Variants in ARMC9 observed in about 807,000 individuals in gnomAD.
The protein encoded by ARMC9 is armadillo repeat containing 9.
A neutral mutation model predicts 107.0 loss-of-function variants in ARMC9; 94 were observed. The observed-to-expected ratio is 0.88, with a 90% CI of 0.74 to 1.04. The LOEUF is 1.04. Ranked by LOEUF, ARMC9 falls within the 50% of genes least tolerant of loss-of-function variation. The pLI is 0.00. For missense variants in ARMC9, 942 were observed against 1,030.1 expected, an observed-to-expected ratio of 0.91 and a Z score of 1.17; for synonymous variants, 380 against 396.9, an observed-to-expected ratio of 0.96 and a Z score of 0.51.
chr2:231,253,964 G>C (rs924209294), intron 9 of ARMC9, among the ~76,000 whole-genome samples: 1 of 152,134 alleles, frequency 6.6e-6, no homozygotes, highest in African/African-American at 2.4e-5. Context: ...CAAAAAGGAG[G>C]TGAAGAAAAA....
intron 21 of ARMC9, among the ~76,000 whole-genome samples, chr2:231,352,760 TA>T (rs1300884209): frequency 7.7e-6 from 1 of 130,504 alleles, no homozygotes; most frequent in Admixed American, 7.0e-5. Flanking sequence ...TAGGTAGACA[TA>T]GATATAGATA....
rs1486098281 is a variant in ARMC9, at chr2:231,372,982, C to T, written c.*1447C>T. ...AGATGACCAGAAGCTCATCCAGGGC[C>T]GGGACCCTGGTTCATCTCGTGAATT... On this transcript the variant is annotated 3_prime_UTR_variant, in exon 25 of 25. Transcript: ENST00000611582. 6.6e-6 allele frequency: 1 copy of T among 152,146 alleles called. No homozygotes were observed. The highest frequency in any genetic ancestry group is 2.4e-5 in the African/African-American group (1 of 41,412). 9.4% of individuals were successfully genotyped at this position (152,146 alleles called of 1,614,324 possible). A position where few individuals can be genotyped will look rare whatever the true frequency, so the allele number is the denominator to read the frequency against.
At chr2:231,260,032 T>C (rs991950907) in intron 11 of ARMC9, among the ~76,000 whole-genome samples, 1 of 152,224 alleles carries the variant, frequency 6.6e-6, no homozygotes, top group Non-Finnish European at 1.5e-5. Flanking sequence ...ATTTGAAATA[T>C]ATGTTTATTA....
intron 3 of ARMC9, among the ~76,000 whole-genome samples, chr2:231,209,616 A>C (rs1201138040): frequency 6.6e-6 from 1 of 151,754 alleles, no homozygotes; most frequent in East Asian, 1.9e-4. Flanking sequence ...GCTTACTGCA[A>C]CCCCCGCCTC....
chr2:231,307,275 G>A (rs1217190857), intron 19 of ARMC9, among the ~76,000 whole-genome samples: 5 of 152,132 alleles, frequency 3.3e-5, no homozygotes, highest in Admixed American at 6.5e-5. Context: ...GGACTGTTTC[G>A]TTTGGATGAA....
Position 231,354,350 on chromosome 2 carries a change from C to T in ARMC9, c.1995-1448C>T, listed in dbSNP as rs797007904. Among the ~76,000 whole-genome samples the T allele has an allele frequency of 1.3e-3, 179 of 142,210 alleles. 1 individual carries two copies. The highest frequency in any genetic ancestry group is 4.5e-3 in the African/African-American group (172 of 38,524). 93.3% of individuals were successfully genotyped at this position (142,210 alleles called of 152,430 possible). On this transcript the variant is annotated intron_variant, in intron 21 of 24. Transcript: ENST00000611582. ...TCAGGCTGGTTACATGTCTCCTTAT[C>T]TTTGACTTTGGGTTGAGCCATGTGA...
intron 17 of ARMC9, among the ~76,000 whole-genome samples, chr2:231,286,297 G>A (rs1016354090): frequency 3.9e-5 from 6 of 152,116 alleles, no homozygotes; most frequent in Non-Finnish European, 8.8e-5. Flanking sequence ...TGTATTTTTA[G>A]TAGAGACGGG....
chr2:231,318,432 T>TG (rs1489888912), intron 19 of ARMC9, among the ~76,000 whole-genome samples: 1 of 152,216 alleles, frequency 6.6e-6, no homozygotes, highest in Admixed American at 6.5e-5. Flanking sequence ...CTGGGTTCCT[T>TG]GGGTTTTCTG....
At chr2:231,240,410 C>T (rs1405953753) in intron 9 of ARMC9, among the ~76,000 whole-genome samples, 1 of 152,156 alleles carries the variant, frequency 6.6e-6, no homozygotes, top group Non-Finnish European at 1.5e-5. Flanking sequence ...TAACTTTTTA[C>T]TTGGAATAAT....
chr2:231,285,661 G>A (rs973142949), intron 17 of ARMC9, among the ~76,000 whole-genome samples: 6 of 150,562 alleles, frequency 4.0e-5, no homozygotes, highest in African/African-American at 9.8e-5. Flanking sequence ...AAAAAAAGAC[G>A]TAAGTAGAAT....
intron 21 of ARMC9, among the ~76,000 whole-genome samples, chr2:231,345,764 A>G (rs911209648): frequency 5.9e-5 from 9 of 152,246 alleles, no homozygotes; most frequent in Non-Finnish European, 1.3e-4. Context: ...AGCAGGCTAA[A>G]AACCTCCATA....
At chr2:231,259,209 TC>T in intron 11 of ARMC9, 107 bp downstream of exon 11, 7 of 965,466 alleles carry the variant, frequency 7.3e-6, no homozygotes, top group Non-Finnish European at 1.1e-5. Context: ...AAATCTTTCT[TC>T]CCCGCTGTCT....
At chr2:231,214,724 TAC>T in intron 3 of ARMC9, 105 bp from the exon 4 acceptor site, 1 of 1,175,720 alleles carries the variant, frequency 8.5e-7, no homozygotes, top group South Asian at 1.5e-5. Flanking sequence ...TTCTATCCTT[TAC>T]CACTGAAAAG....
intron 19 of ARMC9, among the ~76,000 whole-genome samples, chr2:231,308,903 G>A (rs1445196087): frequency 3.9e-5 from 6 of 152,174 alleles, no homozygotes; most frequent in Non-Finnish European, 4.4e-5. Context: ...GTCACCCATC[G>A]TGGCCAGCTC....
At position 231,331,818 on chromosome 2, in the gene ARMC9, A is replaced by G; in HGVS notation, c.1799A>G (p.Asp600Gly). Residue 600 changes from aspartate (D) to glycine (G), a missense_variant, in exon 20 of 25, where the codon GAT becomes GGT. Coordinates refer to ENST00000611582, the MANE Select transcript of ARMC9 (RefSeq NM_001352754.2). ...DEEDHDIMEA[D>G]LDKDELIQPQ... Reference sequence around the variant, plus strand: ...GAGGACCATGACATCATGGAAGCCGATCTGGACAAAGACGAACTGATCCAG... The same window carrying G: ...GAGGACCATGACATCATGGAAGCCGGTCTGGACAAAGACGAACTGATCCAG... The G allele has an allele frequency of 1.2e-6, 2 of 1,614,016 alleles. No individual in the cohort carries two copies. Among genetic ancestry groups the G allele is most frequent in the Non-Finnish European group, 1.7e-6 (2 of 1,179,922 alleles).
At chr2:231,336,443 C>A (rs1422468042) in intron 20 of ARMC9, among the ~76,000 whole-genome samples, 1 of 152,188 alleles carries the variant, frequency 6.6e-6, no homozygotes, top group African/African-American at 2.4e-5. Context: ...CTGAGCCCAC[C>A]TGCCTTTTAC....
At chr2:231,343,555 G>A (rs1328965678) in intron 20 of ARMC9, among the ~76,000 whole-genome samples, 1 of 152,190 alleles carries the variant, frequency 6.6e-6, no homozygotes, top group East Asian at 1.9e-4. Context: ...AGCAAAACCA[G>A]GAAGCTGACA....
chr2:231,237,175 CGTGTGTGTGTGTGTGT>C (rs58607252), intron 8 of ARMC9, among the ~76,000 whole-genome samples: 1 of 148,698 alleles, frequency 6.7e-6, no homozygotes, highest in African/African-American at 2.5e-5. Flanking sequence ...TCTGCGTATG[CGTGTGTGTGTGTGTGT>C]GTGTGTGTGT....
intron 7 of ARMC9, among the ~76,000 whole-genome samples, chr2:231,234,252 C>A (rs865861099): frequency 6.6e-6 from 1 of 152,162 alleles, no homozygotes; most frequent in African/African-American, 2.4e-5. Flanking sequence ...GTGCCAACAC[C>A]GATGAGGATT....
Sources: allele counts gnomAD v4.1 joint callset (sites outside exome capture counted in the v4.1 genomes callset), GRCh38; gene constraint gnomAD v4.1.1; transcripts MANE v1.5; gene names NCBI Gene and HGNC (gene_info 2026-07-23, HGNC 2026-07-21).